The following FRMPD3 variants were observed in gnomAD, a reference collection of about 807,000 sequenced individuals.
The protein encoded by FRMPD3 is FERM and PDZ domain-containing protein 3.
Under a neutral mutation model 97.9 loss-of-function variants are expected in FRMPD3, and 42 were observed. That is an observed-to-expected ratio of 0.43 (90% CI 0.34 to 0.55). The LOEUF is 0.55. FRMPD3 is among the 20% of genes least tolerant of loss of function. The pLI is 0.03. For synonymous variants in FRMPD3, 577 were observed against 581.1 expected (o/e 0.99, Z 0.10); for missense variants, 1,303 against 1,457.7 (o/e 0.89, Z 1.73).
At chrX:107,587,025 ATCTG>A (rs1009637131) in intron 13 of FRMPD3, among the ~76,000 whole-genome samples, 7 of 111,690 alleles carry the variant, frequency 6.3e-5, no homozygotes, top group Non-Finnish European at 9.4e-5. Flanking sequence ...TGTCTCTTTG[ATCTG>A]TCTAATATTG....
In FRMPD3 at chrX:107,600,429, A is replaced by G; in HGVS notation, c.2390A>G (p.Tyr797Cys). The change falls in exon 15 of 15, where the codon TAC becomes TGC. Residue 797 changes from tyrosine to cysteine, a missense_variant. Physicochemically the swap from Tyr to Cys is radical, Grantham distance 194 (BLOSUM62 -2). This residue lies in a region of FRMPD3 where 764 missense variants were observed against 820.2 expected (regional missense o/e 0.93). Transcript: ENST00000683843. Reference sequence around the variant, plus strand: ...ATGAAGCAGCACCAGAACACCACCTACTTCCTGGCCCAGCACCTCAACAAG... The same window carrying G: ...ATGAAGCAGCACCAGAACACCACCTGCTTCCTGGCCCAGCACCTCAACAAG... ...SAMKQHQNTT[Y>C]FLAQHLNKDS... The G allele has an allele frequency of 8.3e-7, 1 of 1,209,921 alleles. No homozygotes were observed. The highest frequency in any genetic ancestry group is 3.0e-5 in the East Asian group (1 of 33,790).
intron 7 of FRMPD3, 60 bp from the exon 8 acceptor site, chrX:107,554,325 A>C (rs1486118151): frequency 8.6e-7 from 1 of 1,157,660 alleles, no homozygotes; most frequent in Non-Finnish European, 1.2e-6. Flanking sequence ...CTGCCAGCCC[A>C]ACACCCCAGC....
chrX:107,531,111 TACACACACACAC>T (rs35430860), intron 3 of FRMPD3, among the ~76,000 whole-genome samples: 2 of 93,594 alleles, frequency 2.1e-5, no homozygotes, highest in African/African-American at 7.8e-5. Flanking sequence ...CTGTGCACAT[TACACACACACAC>T]ACACACACAC....
chrX:107,508,961 G>A (rs1250898233), intron 1 of FRMPD3, among the ~76,000 whole-genome samples: 4 of 112,252 alleles, frequency 3.6e-5, no homozygotes, highest in Non-Finnish European at 3.8e-5. Flanking sequence ...TTTCTGAAAA[G>A]TTTTTAGAGC....
chrX:107,552,637 A>G (rs1921912470), intron 6 of FRMPD3, among the ~76,000 whole-genome samples, 158 bp from the exon 7 acceptor site: 1 of 112,079 alleles, frequency 8.9e-6, no homozygotes, highest in Non-Finnish European at 1.9e-5. Context: ...CTCATTGTGG[A>G]TCACAGAGCC....
At chrX:107,504,997 G>A (rs150331726) in intron 1 of FRMPD3, among the ~76,000 whole-genome samples, 15 of 112,304 alleles carry the variant, frequency 1.3e-4, no homozygotes, top group Non-Finnish European at 2.4e-4. Flanking sequence ...GAGGGAGAAC[G>A]GTATTTCACA....
chrX:107,572,799 C>CT (rs1019086584), intron 12 of FRMPD3, among the ~76,000 whole-genome samples: 9 of 109,174 alleles, frequency 8.2e-5, no homozygotes, highest in Non-Finnish European at 1.5e-4. Flanking sequence ...AATCTCAGCA[C>CT]TTTGGGAGGC....
intron 1 of FRMPD3, among the ~76,000 whole-genome samples, chrX:107,465,977 C>T (rs1441042414): frequency 8.9e-6 from 1 of 112,052 alleles, no homozygotes; most frequent in African/African-American, 3.2e-5. Flanking sequence ...ATATGAAAGG[C>T]TCTGAGAAGT....
At chrX:107,566,142 C>T (rs184653333) in intron 12 of FRMPD3, among the ~76,000 whole-genome samples, 1 of 112,976 alleles carries the variant, frequency 8.9e-6, no homozygotes, top group Non-Finnish European at 1.9e-5. Flanking sequence ...CCACAGCTCT[C>T]CTGTTTGAAT....
At chrX:107,596,637 G>A (rs1181488909) in intron 13 of FRMPD3, among the ~76,000 whole-genome samples, 2 of 111,818 alleles carry the variant, frequency 1.8e-5, no homozygotes, top group South Asian at 3.7e-4. Flanking sequence ...AAAATTTGAA[G>A]AATTATAAGA....
intron 13 of FRMPD3, among the ~76,000 whole-genome samples, chrX:107,577,128 C>T (rs1205415108): frequency 1.1e-5 from 1 of 90,812 alleles, no homozygotes; most frequent in African/African-American, 4.2e-5. Context: ...AGTCTGAAAC[C>T]AGCCTGGCTA....
intron 12 of FRMPD3, among the ~76,000 whole-genome samples, chrX:107,574,889 G>A (rs1293162453): frequency 8.9e-6 from 1 of 112,152 alleles, no homozygotes; most frequent in Non-Finnish European, 1.9e-5. Flanking sequence ...ACAGCCCCAT[G>A]GCTCCCTCTT....
At position 107,571,551 on chromosome X, in the gene FRMPD3, G is replaced by A. The variant is rs770002254; in HGVS notation, c.1297-4764G>A. Among the ~76,000 whole-genome samples, 8 of 111,829 alleles carry A rather than the reference G, an allele frequency of 7.2e-5. No individual in the cohort carries two copies. The South Asian group carries it at 2.7e-3, about 37-fold the overall frequency. On this transcript the variant is annotated intron_variant, in intron 12 of 14. Coordinates refer to ENST00000683843, the MANE Select transcript of FRMPD3 (RefSeq NM_001388459.1). The stretch of plus-strand genomic sequence containing the variant: ...GTTGTGCTTGGCCCTCTCTGTGCAC[G>A]GGATTTTGCTTTCGTGCTGTTTTAT...
intron 1 of FRMPD3, among the ~76,000 whole-genome samples, chrX:107,473,502 G>A (rs979253983): frequency 2.7e-5 from 3 of 112,107 alleles, no homozygotes; most frequent in African/African-American, 9.7e-5. Context: ...TGTGATAGAG[G>A]TAGATACCTT....
intron 1 of FRMPD3, among the ~76,000 whole-genome samples, chrX:107,512,041 T>TCA (rs930146590): frequency 1.0e-4 from 11 of 108,358 alleles, no homozygotes; most frequent in South Asian, 8.1e-4. Flanking sequence ...ATCTCCTCTT[T>TCA]CACACACACA....
At chrX:107,561,362 G>T (rs1348503609) in intron 10 of FRMPD3, among the ~76,000 whole-genome samples, 1 of 111,522 alleles carries the variant, frequency 9.0e-6, no homozygotes, top group Non-Finnish European at 1.9e-5. Flanking sequence ...TAAAAAAAAT[G>T]TAAAAAAAGG....
chrX:107,511,372 G>C (rs1370249112), intron 1 of FRMPD3, among the ~76,000 whole-genome samples: 1 of 112,303 alleles, frequency 8.9e-6, no homozygotes, highest in African/African-American at 3.2e-5. Context: ...GCCATACCCA[G>C]CTGCAGTCAT....
chrX:107,535,547 C>G (rs1449092149), intron 4 of FRMPD3, among the ~76,000 whole-genome samples: 1 of 109,392 alleles, frequency 9.1e-6, no homozygotes, highest in African/African-American at 3.3e-5. Context: ...GTGGAACGCA[C>G]CTGTAGTCCC....
chrX:107,479,257 G>T (rs775187245), intron 1 of FRMPD3, among the ~76,000 whole-genome samples: 113 of 112,465 alleles, frequency 1.0e-3, no homozygotes, highest in African/African-American at 3.3e-3. Context: ...CTGCCTTAGG[G>T]AGCTGGGAAG....
Sources: allele counts gnomAD v4.1 joint callset (sites outside exome capture counted in the v4.1 genomes callset), GRCh38; gene constraint gnomAD v4.1.1; regional missense constraint gnomAD v4.1.1; transcripts MANE v1.5; gene names NCBI Gene and HGNC (gene_info 2026-07-23, HGNC 2026-07-21).